LRRC4C: variants seen among roughly 807,000 people sequenced by gnomAD.
The protein encoded by LRRC4C is leucine rich repeat containing 4C.
LRRC4C carries 5 observed loss-of-function variants against 33.6 expected under a neutral mutation model. The observed-to-expected ratio is 0.15, with a 90% CI of 0.08 to 0.31. The LOEUF is 0.31. Among genes scored for constraint, LRRC4C ranks in the 10% least tolerant of loss-of-function variants. The pLI, the probability that LRRC4C is intolerant of heterozygous loss-of-function variation, is 1.00. For synonymous variants in LRRC4C, 329 were observed against 302.0 expected, an observed-to-expected ratio of 1.09 and a Z score of -0.93; for missense variants, 560 against 796.7, an observed-to-expected ratio of 0.70 and a Z score of 3.58.
chr11:40,143,037 A>G (rs1471656791), intron 5 of LRRC4C, among the ~76,000 whole-genome samples: 1 of 152,174 alleles, frequency 6.6e-6, no homozygotes, highest in East Asian at 1.9e-4. Flanking sequence ...TCAGGCCAAA[A>G]TCTACCTTGA....
At chr11:40,367,249 A>G (rs994156146) in intron 3 of LRRC4C, among the ~76,000 whole-genome samples, 7 of 152,094 alleles carry the variant, frequency 4.6e-5, no homozygotes, top group Admixed American at 1.3e-4. Flanking sequence ...TGAGTTAACT[A>G]GTACCACATT....
chr11:40,262,324 C>T (rs539315187), intron 4 of LRRC4C, among the ~76,000 whole-genome samples: 26 of 152,198 alleles, frequency 1.7e-4, no homozygotes, highest in Admixed American at 8.5e-4. Flanking sequence ...ATTAAAAAGT[C>T]GGGAAACAAC....
In LRRC4C at chr11:41,295,022, T is replaced by C. The variant is rs571483960; in HGVS notation, c.-496+164409A>G. 5.3e-5 allele frequency among the ~76,000 whole-genome samples: 8 copies of C among 152,326 alleles called. No homozygotes were observed. The East Asian group carries it at 1.4e-3, about 26-fold the overall frequency. On this transcript the variant is annotated intron_variant, in intron 1 of 6. Coordinates refer to ENST00000528697, the MANE Select transcript of LRRC4C (RefSeq NM_001258419.2). ...ATAGTACACTTACACACGGTTGTTA[T>C]TGTAAATTAGCATGAGTCATATGTA...
chr11:40,576,971 T>C (rs1958219232), intron 3 of LRRC4C, among the ~76,000 whole-genome samples: 1 of 152,316 alleles, frequency 6.6e-6, no homozygotes, highest in East Asian at 1.9e-4. Context: ...TCCCTTCTTA[T>C]AGATTTGAGG....
chr11:40,716,722 C>T (rs1946740596), intron 2 of LRRC4C, among the ~76,000 whole-genome samples: 1 of 152,142 alleles, frequency 6.6e-6, no homozygotes, highest in Non-Finnish European at 1.5e-5. Context: ...ATCATCACTC[C>T]TCTGCTCACA....
At chr11:40,360,231 C>G (rs1269110774) in intron 3 of LRRC4C, among the ~76,000 whole-genome samples, 1 of 152,096 alleles carries the variant, frequency 6.6e-6, no homozygotes, top group Non-Finnish European at 1.5e-5. Flanking sequence ...GCTACAATAA[C>G]AGAGCCTTCT....
intron 2 of LRRC4C, among the ~76,000 whole-genome samples, chr11:40,678,137 T>C (rs1240780788): frequency 6.6e-6 from 1 of 151,942 alleles, no homozygotes; most frequent in Non-Finnish European, 1.5e-5. Flanking sequence ...TCACTTTTCT[T>C]TTTTTTTCAA....
At chr11:40,866,067 C>A (rs544449339) in intron 2 of LRRC4C, among the ~76,000 whole-genome samples, 1 of 150,818 alleles carries the variant, frequency 6.6e-6, no homozygotes, top group South Asian at 2.1e-4. Flanking sequence ...TGAATCCTTG[C>A]CAATTGGGTC....
At chr11:40,467,647 A>C (rs913389533) in intron 3 of LRRC4C, among the ~76,000 whole-genome samples, 2 of 152,204 alleles carry the variant, frequency 1.3e-5, no homozygotes, top group Admixed American at 1.3e-4. Context: ...TTGAGCAGAA[A>C]TGAGTAGATT....
intron 1 of LRRC4C, among the ~76,000 whole-genome samples, chr11:41,104,669 G>A (rs556203449): frequency 1.3e-4 from 19 of 151,904 alleles, no homozygotes; most frequent in African/African-American, 2.7e-4. Flanking sequence ...ATAAATGTTC[G>A]TGGCAACAGT....
At chr11:40,442,595 C>T (rs1301817774) in intron 3 of LRRC4C, among the ~76,000 whole-genome samples, 1 of 152,282 alleles carries the variant, frequency 6.6e-6, no homozygotes, top group East Asian at 1.9e-4. Context: ...GAGAACCCGA[C>T]CTTTAAACTC....
rs567499419 is a variant in LRRC4C, at chr11:40,408,190, C to T, written c.-269-88469G>A. ...ATAAACTATTTCGATTCTAGAAGTC[C>T]GAAACTATACTCTGAAATCCTTTGT... On this transcript the variant is annotated intron_variant, in intron 3 of 6. Transcript: ENST00000528697. Among the ~76,000 whole-genome samples, 26 of 151,942 alleles carry T rather than the reference C, an allele frequency of 1.7e-4. No homozygotes were observed. In the South Asian group the frequency reaches 4.2e-3, roughly 24 times the overall value.
At chr11:41,245,540 C>G (rs574363554) in intron 1 of LRRC4C, among the ~76,000 whole-genome samples, 1 of 152,234 alleles carries the variant, frequency 6.6e-6, no homozygotes, top group East Asian at 1.9e-4. Context: ...CACGGTGGCA[C>G]CTGAAAGCTT....
chr11:40,396,797 T>C (rs140515728), intron 3 of LRRC4C, among the ~76,000 whole-genome samples: 1 of 152,112 alleles, frequency 6.6e-6, no homozygotes, highest in Non-Finnish European at 1.5e-5. Context: ...AGAATCTGTA[T>C]GCAAACACGT....
intron 1 of LRRC4C, among the ~76,000 whole-genome samples, chr11:41,432,782 A>G (rs1955285649): frequency 6.6e-6 from 1 of 152,046 alleles, no homozygotes; most frequent in African/African-American, 2.4e-5. Flanking sequence ...GTGTAATGAG[A>G]CCAAAATCAG....
chr11:40,526,252 C>T (rs1277581311), intron 3 of LRRC4C, among the ~76,000 whole-genome samples: 1 of 152,084 alleles, frequency 6.6e-6, no homozygotes, highest in Non-Finnish European at 1.5e-5. Flanking sequence ...TTAAAAATAA[C>T]TTTTGTTAAT....
intron 2 of LRRC4C, among the ~76,000 whole-genome samples, chr11:40,931,772 A>G (rs1471129545): frequency 1.3e-5 from 2 of 152,080 alleles, no homozygotes; most frequent in African/African-American, 4.8e-5. Context: ...TTTGGTATAA[A>G]GTTTTAGAAT....
intron 3 of LRRC4C, among the ~76,000 whole-genome samples, chr11:40,544,382 C>T (rs1025145858): frequency 6.6e-6 from 1 of 152,040 alleles, no homozygotes; most frequent in Non-Finnish European, 1.5e-5. Flanking sequence ...CATTCTGGCC[C>T]ACTGTTCTTT....
chr11:41,029,228 G>C (rs1358606969), intron 1 of LRRC4C, among the ~76,000 whole-genome samples: 8 of 151,700 alleles, frequency 5.3e-5, no homozygotes, highest in Non-Finnish European at 1.2e-4. Flanking sequence ...AACCAGATAG[G>C]AGGAGTTTCC....
Sources: gnomAD v4.1 joint callset for allele counts (sites outside exome capture counted in the v4.1 genomes callset) on GRCh38, gnomAD v4.1.1 for gene constraint, MANE v1.5 for transcripts, NCBI Gene and HGNC (gene_info 2026-07-23, HGNC 2026-07-21) for gene names.